The following CCSER1 variants were observed in gnomAD, a reference collection of about 807,000 sequenced individuals.
The protein encoded by CCSER1 is coiled-coil serine rich protein 1, also known as serine-rich coiled-coil domain-containing protein 1.
Under a neutral mutation model 82.0 loss-of-function variants are expected in CCSER1, and 41 were observed. That is an observed-to-expected ratio of 0.50 (90% CI 0.39 to 0.65). CCSER1 has a LOEUF of 0.65. Ranked by LOEUF, CCSER1 falls within the 30% of genes least tolerant of loss-of-function variation. CCSER1 has a pLI of 0.00. For synonymous variants in CCSER1, 414 were observed against 383.9 expected, an observed-to-expected ratio of 1.08 and a Z score of -0.92; for missense variants, 1,119 against 1,064.2, an observed-to-expected ratio of 1.05 and a Z score of -0.72.
At chr4:91,535,162 C>G (rs970292094) in intron 10 of CCSER1, among the ~76,000 whole-genome samples, 1 of 151,532 alleles carries the variant, frequency 6.6e-6, no homozygotes, top group Non-Finnish European at 1.5e-5. Flanking sequence ...AATTTATAAC[C>G]AAAACAATTT....
intron 10 of CCSER1, among the ~76,000 whole-genome samples, chr4:91,392,370 C>T (rs1254171607): frequency 6.7e-6 from 1 of 149,152 alleles, no homozygotes; most frequent in African/African-American, 2.5e-5. Flanking sequence ...CATGCACACA[C>T]ACACACACAC....
At chr4:91,439,879 T>G (rs1754988340) in intron 10 of CCSER1, among the ~76,000 whole-genome samples, 1 of 152,190 alleles carries the variant, frequency 6.6e-6, no homozygotes, top group Admixed American at 6.5e-5. Flanking sequence ...GGCCATTACA[T>G]AATGGTAAAG....
intron 10 of CCSER1, among the ~76,000 whole-genome samples, chr4:91,383,740 G>C (rs558965085): frequency 3.3e-5 from 5 of 152,066 alleles, no homozygotes; most frequent in East Asian, 3.9e-4. Context: ...ATTGAGGGTG[G>C]GAGGGACAAG....
intron 10 of CCSER1, among the ~76,000 whole-genome samples, chr4:91,461,770 A>T (rs1042050294): frequency 6.6e-6 from 1 of 152,196 alleles, no homozygotes; most frequent in African/African-American, 2.4e-5. Flanking sequence ...AGTAATGTTC[A>T]AAAGGGTATC....
intron 1 of CCSER1, among the ~76,000 whole-genome samples, chr4:90,211,838 A>G (rs1185962931): frequency 3.3e-5 from 5 of 152,220 alleles, no homozygotes; most frequent in African/African-American, 1.2e-4. Context: ...TTTCCTCTCA[A>G]AGATTCTTGA....
intron 6 of CCSER1, among the ~76,000 whole-genome samples, chr4:90,638,197 T>A (rs2148967645): frequency 6.6e-6 from 1 of 152,318 alleles, no homozygotes; most frequent in South Asian, 2.1e-4. Context: ...CCACATTTTA[T>A]CTTTTAGGAC....
At chr4:91,258,128 TTTAA>T (rs1331666233) in intron 10 of CCSER1, among the ~76,000 whole-genome samples, 4 of 141,054 alleles carry the variant, frequency 2.8e-5, no homozygotes, top group Admixed American at 6.8e-5. Flanking sequence ...GCTGTGGTTG[TTTAA>T]TTAGTTTTAC....
chr4:91,269,779 AG>A (rs924613855), intron 10 of CCSER1, among the ~76,000 whole-genome samples: 4 of 152,172 alleles, frequency 2.6e-5, no homozygotes, highest in African/African-American at 9.7e-5. Context: ...TAACTTCCAG[AG>A]GGTGTAAGAT....
chr4:91,188,604 C>A (rs1734760396), intron 10 of CCSER1, among the ~76,000 whole-genome samples: 1 of 151,896 alleles, frequency 6.6e-6, no homozygotes, highest in African/African-American at 2.4e-5. Context: ...TTTAGTGTAC[C>A]CTGGAACTTA....
At chr4:90,465,055 C>T (rs774247759) in intron 4 of CCSER1, among the ~76,000 whole-genome samples, 30 of 151,692 alleles carry the variant, frequency 2.0e-4, no homozygotes, top group Admixed American at 3.9e-4. Flanking sequence ...CCTCCAACTC[C>T]CTGGATCAAG....
chr4:90,416,181 T>A (rs1452630527), intron 4 of CCSER1, among the ~76,000 whole-genome samples: 1 of 152,202 alleles, frequency 6.6e-6, no homozygotes. Flanking sequence ...TTTTTTTACC[T>A]TGACTATATT....
At chr4:91,417,608 G>A (rs951379272) in intron 10 of CCSER1, among the ~76,000 whole-genome samples, 2 of 151,934 alleles carry the variant, frequency 1.3e-5, no homozygotes, top group Admixed American at 6.6e-5. Context: ...GCCAAACACT[G>A]CATGTTTTTA....
At chr4:91,411,704 A>ATT (rs758924279) in intron 10 of CCSER1, among the ~76,000 whole-genome samples, 1 of 136,148 alleles carries the variant, frequency 7.3e-6, no homozygotes. Flanking sequence ...AAGGGTTTTC[A>ATT]TTTTTTTTTT....
At chr4:90,932,951 AAAGAAAGAAAGAAAGAAAG>A (rs1730132945) in intron 9 of CCSER1, among the ~76,000 whole-genome samples, 2 of 42,640 alleles carry the variant, frequency 4.7e-5, no homozygotes, top group African/African-American at 3.5e-4. Context: ...AGAAAGAAAG[AAAGAAAGAAAGAAAGAAAG>A]AAAGAAAGAA....
chr4:90,208,095 C>T lies in CCSER1; in HGVS notation c.-42+80264C>T, dbSNP rs547755248. On this transcript the variant is annotated intron_variant, in intron 1 of 10. Transcript: ENST00000509176. ...CGTTTAAGTCTGCTGAAGCTGCGCC[C>T]GCAGCCACCCCTTCCCCCAGGTGCT... is the stretch of plus-strand genomic sequence containing the variant. Among the ~76,000 whole-genome samples the T allele has an allele frequency of 5.6e-4, 86 of 152,282 alleles. 1 individual carries two copies. In the South Asian group the frequency reaches 9.5e-3, roughly 17 times the overall value.
chr4:90,201,995 A>T (rs1737798241), intron 1 of CCSER1, among the ~76,000 whole-genome samples: 1 of 152,100 alleles, frequency 6.6e-6, no homozygotes, highest in Non-Finnish European at 1.5e-5. Context: ...TATTCTTAAT[A>T]TTTTTTCCCA....
At chr4:91,141,471 TG>T (rs1729023809) in intron 10 of CCSER1, among the ~76,000 whole-genome samples, 1 of 152,170 alleles carries the variant, frequency 6.6e-6, no homozygotes, top group Non-Finnish European at 1.5e-5. Context: ...TCTTTTTTTA[TG>T]ATGGTGTAGT....
At chr4:90,130,589 G>A (rs778578201) in intron 1 of CCSER1, among the ~76,000 whole-genome samples, 1 of 152,094 alleles carries the variant, frequency 6.6e-6, no homozygotes, top group Non-Finnish European at 1.5e-5. Flanking sequence ...GGTTGAGTCT[G>A]TTTTGGATGT....
chr4:91,391,690 A>T (rs530201420), intron 10 of CCSER1, among the ~76,000 whole-genome samples: 30 of 152,060 alleles, frequency 2.0e-4, no homozygotes, highest in Non-Finnish European at 3.7e-4. Flanking sequence ...GTTTAGTTCC[A>T]TTGTGTCTGA....
Sources: allele counts gnomAD v4.1 joint callset (sites outside exome capture counted in the v4.1 genomes callset), GRCh38; gene constraint gnomAD v4.1.1; transcripts MANE v1.5; gene names NCBI Gene and HGNC (gene_info 2026-07-23, HGNC 2026-07-21).